Variants in NRXN1 observed in about 807,000 individuals in gnomAD.
NRXN1 encodes neurexin 1, also known as neurexin-1.
NRXN1 carries 39 observed loss-of-function variants against 150.9 expected under a neutral mutation model. The observed-to-expected ratio is 0.26, with a 90% CI of 0.20 to 0.34. NRXN1 has a LOEUF of 0.34. Ranked by LOEUF, NRXN1 falls within the 10% of genes least tolerant of loss-of-function variation. The pLI is 1.00. For missense variants in NRXN1, 1,815 were observed against 1,949.9 expected (o/e 0.93, Z 1.30); for synonymous variants, 924 against 757.0 (o/e 1.22, Z -3.62).
At chr2:50,600,180 T>C (rs1301885632) in intron 8 of NRXN1, among the ~76,000 whole-genome samples, 1 of 152,156 alleles carries the variant, frequency 6.6e-6, no homozygotes, top group Admixed American at 6.5e-5. Flanking sequence ...TAATGTATCA[T>C]AATTTCTTAA....
At chr2:50,413,507 C>T (rs2083330732) in intron 17 of NRXN1, among the ~76,000 whole-genome samples, 1 of 152,120 alleles carries the variant, frequency 6.6e-6, no homozygotes, top group African/African-American at 2.4e-5. Flanking sequence ...TTTAAAATGG[C>T]TTATAACCAA....
chr2:50,073,603 AT>A (rs1017045832), intron 19 of NRXN1, among the ~76,000 whole-genome samples: 3 of 152,116 alleles, frequency 2.0e-5, no homozygotes, highest in African/African-American at 7.2e-5. Context: ...ACTTTTTTTA[AT>A]GCAGTAGAAA....
chr2:51,027,655 C>T lies in NRXN1; in HGVS notation c.619G>A (p.Glu207Lys). The T allele has an allele frequency of 6.2e-7, 1 of 1,601,108 alleles. No individual in the cohort carries two copies. The highest frequency in any genetic ancestry group is 1.3e-5 in the African/African-American group (1 of 74,706). Reference sequence around the variant, plus strand: ...CTTCCCCCGCCGCTGTTGGGCGGCTCATCGTCCAGCTTCACCTCGCCGCTG... The same window carrying T: ...CTTCCCCCGCCGCTGTTGGGCGGCTTATCGTCCAGCTTCACCTCGCCGCTG... ...VDSGEVKLDD[E>K]PPNSGGGSPC... Residue 207 changes from glutamate (E) to lysine (K), a missense_variant, in exon 2 of 23, where the codon GAG becomes AAG. Glu to Lys is a moderately conservative substitution (Grantham distance 56, BLOSUM62 1). Around this residue, in one of 6 missense-constraint regions of NRXN1, gnomAD observed 554 missense variants for 478.8 expected, o/e 1.16. Transcript: ENST00000401669.
At chr2:50,585,169 T>C (rs1672893399) in intron 8 of NRXN1, among the ~76,000 whole-genome samples, 1 of 152,210 alleles carries the variant, frequency 6.6e-6, no homozygotes, top group African/African-American at 2.4e-5. Context: ...GTGTGCTTAG[T>C]AACCGCAAAA....
intron 18 of NRXN1, among the ~76,000 whole-genome samples, chr2:50,219,942 AT>A (rs1559115255): frequency 1.5e-4 from 9 of 59,034 alleles, no homozygotes; most frequent in African/African-American, 4.5e-4. Context: ...TATATTATAT[AT>A]TATATATATA....
chr2:50,227,930 A>G (rs2152866518), intron 18 of NRXN1, among the ~76,000 whole-genome samples: 1 of 152,222 alleles, frequency 6.6e-6, no homozygotes, highest in African/African-American at 2.4e-5. Flanking sequence ...AGATACTCAA[A>G]CTTTTAAGTA....
chr2:49,971,133 A>G lies in NRXN1; in HGVS notation c.4129-27342T>C, dbSNP rs190139616. Reference sequence around the variant, plus strand: ...ACAAAGGCCTAAAGTACTTGGCTACATGCTTTTTTCCCATTTGAAAACTAA... The same window carrying G: ...ACAAAGGCCTAAAGTACTTGGCTACGTGCTTTTTTCCCATTTGAAAACTAA... On this transcript the variant is annotated intron_variant, in intron 21 of 22. Coordinates refer to ENST00000401669, the MANE Select transcript of NRXN1 (RefSeq NM_001330078.2). Among the ~76,000 whole-genome samples the G allele has an allele frequency of 8.5e-4, 129 of 152,234 alleles. 1 individual carries two copies. In the Middle Eastern group the frequency reaches 0.031, roughly 36 times the overall value.
chr2:50,885,500 C>A lies in NRXN1; in HGVS notation c.832+36369G>T, dbSNP rs1357178093. ...CTATTTTATACCTGAATAAGAAAAT[C>A]TCATCAAAGTGCTATGATATCCCCA... On this transcript the variant is annotated intron_variant, in intron 5 of 22. Transcript: ENST00000401669. Among the ~76,000 whole-genome samples the A allele has an allele frequency of 4.6e-5, 7 of 151,026 alleles. No homozygotes were observed. In the East Asian group the frequency reaches 1.2e-3, roughly 25 times the overall value.
At chr2:50,159,358 T>A (rs2059225233) in intron 18 of NRXN1, among the ~76,000 whole-genome samples, 1 of 152,156 alleles carries the variant, frequency 6.6e-6, no homozygotes, top group Admixed American at 6.6e-5. Context: ...CTTTAGATCT[T>A]AGTTATTTGG....
At chr2:50,191,486 T>C (rs1419640835) in intron 18 of NRXN1, among the ~76,000 whole-genome samples, 2 of 152,212 alleles carry the variant, frequency 1.3e-5, no homozygotes, top group African/African-American at 2.4e-5. Context: ...TTATCATATG[T>C]GTAGATATAT....
At chr2:50,115,695 T>G (rs1264500622) in intron 18 of NRXN1, among the ~76,000 whole-genome samples, 1 of 151,966 alleles carries the variant, frequency 6.6e-6, no homozygotes, top group Non-Finnish European at 1.5e-5. Context: ...GAAAGAGAAG[T>G]CCAGGTGGGA....
At chr2:50,971,783 AT>A (rs888553222) in intron 2 of NRXN1, among the ~76,000 whole-genome samples, 35 of 151,960 alleles carry the variant, frequency 2.3e-4, no homozygotes, top group Admixed American at 3.9e-4. Context: ...GTGTTTAAAA[AT>A]TTTTTTCATT....
intron 5 of NRXN1, among the ~76,000 whole-genome samples, chr2:50,720,986 G>A (rs990551273): frequency 2.6e-5 from 4 of 152,112 alleles, no homozygotes; most frequent in Non-Finnish European, 5.9e-5. Context: ...AGACTCTCTC[G>A]TCTGGTTCCT....
intron 18 of NRXN1, among the ~76,000 whole-genome samples, chr2:50,161,537 A>C (rs1055349887): frequency 1.3e-5 from 2 of 152,158 alleles, no homozygotes; most frequent in Non-Finnish European, 2.9e-5. Context: ...CTAACAGCTA[A>C]AGCAGACTGG....
chr2:50,084,625 T>C (rs996135596), intron 19 of NRXN1, among the ~76,000 whole-genome samples: 3 of 152,314 alleles, frequency 2.0e-5, no homozygotes, highest in East Asian at 3.9e-4. Context: ...GAACCGGCTC[T>C]GGCCTTGGCC....
intron 5 of NRXN1, among the ~76,000 whole-genome samples, chr2:50,790,653 T>C (rs901511482): frequency 6.6e-6 from 1 of 152,102 alleles, no homozygotes; most frequent in Non-Finnish European, 1.5e-5. Flanking sequence ...AAAATGCAGG[T>C]TGAGTATTCC....
intron 18 of NRXN1, among the ~76,000 whole-genome samples, chr2:50,162,997 T>C (rs1283041686): frequency 6.6e-6 from 1 of 151,904 alleles, no homozygotes; most frequent in African/African-American, 2.4e-5. Flanking sequence ...TCTACTTTGC[T>C]TGTTTTCCAA....
At position 50,228,612 on chromosome 2, in the gene NRXN1, T is replaced by C. The variant is rs796121936; in HGVS notation, c.3546+8177A>G. On this transcript the variant is annotated intron_variant, in intron 18 of 22. Coordinates refer to ENST00000401669, the MANE Select transcript of NRXN1 (RefSeq NM_001330078.2). ...TTGGGAGTGAGCAGCCGGCACTTAT[T>C]TGATAGCTAAAATTCAGAGTAAAAT... 2.6e-5 allele frequency among the ~76,000 whole-genome samples: 4 copies of C among 152,138 alleles called. 1 individual carries two copies. Among genetic ancestry groups the C allele is most frequent in the African/African-American group, 9.6e-5 (4 of 41,540 alleles).
intron 18 of NRXN1, among the ~76,000 whole-genome samples, chr2:50,214,029 T>C (rs2063215172): frequency 2.0e-5 from 3 of 152,132 alleles, no homozygotes; most frequent in Non-Finnish European, 4.4e-5. Flanking sequence ...TTAGTTGTTG[T>C]TTATTTTGTG....
Sources: allele counts gnomAD v4.1 joint callset (sites outside exome capture counted in the v4.1 genomes callset), GRCh38; gene constraint gnomAD v4.1.1; regional missense constraint gnomAD v4.1.1; transcripts MANE v1.5; gene names NCBI Gene and HGNC (gene_info 2026-07-23, HGNC 2026-07-21).